SAMMSON: variants seen among roughly 807,000 people sequenced by gnomAD.
SAMMSON encodes survival associated mitochondrial melanoma specific oncogenic non-coding RNA.
chr3:70,141,438 T>A (rs977578386), intron 4 of SAMMSON, among the ~76,000 whole-genome samples: 2 of 152,154 alleles, frequency 1.3e-5, no homozygotes, highest in Non-Finnish European at 2.9e-5. Context: ...ATTTGGGCCC[T>A]CAACAGATTG....
At chr3:70,247,734 T>A (rs888042893) in intron 4 of SAMMSON, among the ~76,000 whole-genome samples, 2 of 151,818 alleles carry the variant, frequency 1.3e-5, no homozygotes, top group Non-Finnish European at 1.5e-5. Context: ...CAATGCAATA[T>A]AAAGCAAGTG....
intron 3 of SAMMSON, among the ~76,000 whole-genome samples, chr3:70,050,871 C>A (rs1391595686): frequency 1.3e-5 from 2 of 151,962 alleles, no homozygotes; most frequent in Admixed American, 1.3e-4. Flanking sequence ...TGCAATGGCT[C>A]ACACCTGTAA....
chr3:70,072,782 A>G (rs1406837150), intron 4 of SAMMSON: 7 of 152,002 alleles, frequency 4.6e-5, no homozygotes, highest in Non-Finnish European at 8.8e-5. Context: ...CATTTAAACT[A>G]CTTAGGTAAA....
chr3:70,260,641 G>T (rs1225255980), intron 6 of SAMMSON, among the ~76,000 whole-genome samples: 1 of 151,936 alleles, frequency 6.6e-6, no homozygotes, highest in Non-Finnish European at 1.5e-5. Context: ...CTCCATGAAA[G>T]GTTACAACTT....
At chr3:70,365,302 AGTGTGTATATACACACACATATATATGT>A (rs903245416) in intron 9 of SAMMSON, among the ~76,000 whole-genome samples, 70 of 151,260 alleles carry the variant, frequency 4.6e-4, no homozygotes, top group Admixed American at 3.0e-3. Context: ...TTGCCATTGG[AGTGTGTATATACACACACATATATATGT>A]GTGTGTATAT....
intron 4 of SAMMSON, chr3:70,084,619 C>G (rs569999507): frequency 1.8e-4 from 28 of 152,272 alleles, no homozygotes; most frequent in African/African-American, 6.7e-4. Flanking sequence ...AGTTGCTCAG[C>G]CAGGCACTTC....
chr3:70,163,641 G>A lies in SAMMSON; in HGVS notation n.508-85466G>A, dbSNP rs974672155. Among the ~76,000 whole-genome samples the A allele has an allele frequency of 2.6e-5, 4 of 152,010 alleles. No individual in the cohort carries two copies. In the South Asian group the frequency reaches 8.3e-4, roughly 32 times the overall value. Reference sequence around the variant, plus strand: ...AAAGACCTTGGGCAAAAGAAAGAGAGTCATAACAAAAAGCACATTTTAGGA... The same window carrying A: ...AAAGACCTTGGGCAAAAGAAAGAGAATCATAACAAAAAGCACATTTTAGGA... On this transcript the variant is annotated intron_variant and non_coding_transcript_variant, in intron 4 of 9. Coordinates refer to ENST00000642114, the Ensembl canonical transcript of SAMMSON.
intron 1 of SAMMSON, among the ~76,000 whole-genome samples, chr3:70,011,016 G>A (rs1269376861): frequency 6.6e-6 from 1 of 152,082 alleles, no homozygotes; most frequent in Non-Finnish European, 1.5e-5. Context: ...GGGGATTGTA[G>A]GGATTACAAT....
rs75093243 is a variant in SAMMSON, at chr3:70,124,235, A to T, written n.507+52670A>T. 7.2e-3 allele frequency among the ~76,000 whole-genome samples: 1,094 copies of T among 152,324 alleles called. 31 individuals are homozygous for T. Among genetic ancestry groups the T allele is most frequent in the East Asian group, 0.069 (358 of 5,176 alleles). On this transcript the variant is annotated intron_variant and non_coding_transcript_variant, in intron 4 of 9. Coordinates refer to ENST00000642114, the Ensembl canonical transcript of SAMMSON. ...ACAGAACTTATTAGATGAATGAGTG[A>T]AGTTAATGACTATGTTTCTCTTCAA...
intron 4 of SAMMSON, among the ~76,000 whole-genome samples, chr3:70,146,126 C>T (rs1349405792): frequency 2.6e-5 from 4 of 151,976 alleles, no homozygotes; most frequent in African/African-American, 4.8e-5. Flanking sequence ...CCAAAGCTCA[C>T]CCAGTACAAA....
At chr3:70,234,980 G>A (rs961306764) in intron 4 of SAMMSON, among the ~76,000 whole-genome samples, 3 of 152,164 alleles carry the variant, frequency 2.0e-5, no homozygotes, top group Admixed American at 1.3e-4. Flanking sequence ...ACGATTTTTA[G>A]CAACTGTGAA....
intron 7 of SAMMSON, among the ~76,000 whole-genome samples, chr3:70,328,148 G>C (rs1009363010): frequency 1.1e-4 from 16 of 152,068 alleles, no homozygotes; most frequent in Admixed American, 4.6e-4. Context: ...TAATAGCATG[G>C]GAAAGGTCTG....
intron 4 of SAMMSON, among the ~76,000 whole-genome samples, chr3:70,161,119 A>C (rs1476664275): frequency 6.6e-6 from 1 of 151,702 alleles, no homozygotes; most frequent in African/African-American, 2.4e-5. Context: ...AGACAATTTT[A>C]TCTCCTTTTT....
intron 6 of SAMMSON, among the ~76,000 whole-genome samples, chr3:70,275,324 C>T (rs1702013112): frequency 6.6e-6 from 1 of 152,024 alleles, no homozygotes; most frequent in Admixed American, 6.6e-5. Context: ...GCCCAGGCAA[C>T]ATAGTAAGAC....
At chr3:70,147,540 A>G (rs11128163) in intron 4 of SAMMSON, among the ~76,000 whole-genome samples, 109,260 of 151,880 alleles carry the variant, frequency 0.72, 39,659 homozygotes, top group Non-Finnish European at 0.76. Flanking sequence ...AAAAAGATGA[A>G]GCAATTCTTT....
intron 4 of SAMMSON, among the ~76,000 whole-genome samples, chr3:70,135,895 T>C (rs2106677316): frequency 6.6e-6 from 1 of 152,008 alleles, no homozygotes; most frequent in Non-Finnish European, 1.5e-5. Flanking sequence ...GCATGTGGCT[T>C]ATGCAGCTAG....
intron 8 of SAMMSON, among the ~76,000 whole-genome samples, chr3:70,356,439 C>G (rs1702829746): frequency 6.6e-6 from 1 of 152,008 alleles, no homozygotes; most frequent in Non-Finnish European, 1.5e-5. Flanking sequence ...CCAAAATGTG[C>G]TATACCCTAA....
chr3:70,409,611 C>T (rs1701202612), intron 2 of SAMMSON, among the ~76,000 whole-genome samples: 1 of 152,092 alleles, frequency 6.6e-6, no homozygotes, highest in Admixed American at 6.5e-5. Flanking sequence ...TGCTTGGTTT[C>T]CTCTTCTGTA....
At chr3:70,416,601 C>G (rs1701266451) in intron 2 of SAMMSON, among the ~76,000 whole-genome samples, 1 of 152,024 alleles carries the variant, frequency 6.6e-6, no homozygotes, top group Non-Finnish European at 1.5e-5. Flanking sequence ...AAACTTTGGA[C>G]AGAAATTTTG....
Sources: allele counts gnomAD v4.1 joint callset (sites outside exome capture counted in the v4.1 genomes callset), GRCh38; gene constraint gnomAD v4.1.1; transcripts MANE v1.5; gene names NCBI Gene and HGNC (gene_info 2026-07-23, HGNC 2026-07-21).